The following NKPD1 variants were observed in gnomAD, a reference collection of about 807,000 sequenced individuals.
NKPD1 encodes the protein NTPase KAP family P-loop domain containing 1.
Under a neutral mutation model 42.2 loss-of-function variants are expected in NKPD1, and 37 were observed. The ratio of observed to expected loss-of-function variants is 0.88; its 90% confidence interval spans 0.67 to 1.15. NKPD1 has a LOEUF of 1.15. Among genes scored for constraint, NKPD1 ranks in the 50% most tolerant of loss-of-function variants. The pLI is 0.00. For missense variants in NKPD1, 1,113 were observed against 1,174.6 expected, an observed-to-expected ratio of 0.95 and a Z score of 0.77; for synonymous variants, 552 against 536.5, an observed-to-expected ratio of 1.03 and a Z score of -0.40.
chr19:45,154,641 G>C lies in NKPD1; in HGVS notation c.662-866C>G, dbSNP rs137929498. Among the ~76,000 whole-genome samples, 804 of 152,304 alleles carry C rather than the reference G, an allele frequency of 5.3e-3. 9 individuals carry two copies. Among genetic ancestry groups the C allele is most frequent in the African/African-American group, 0.019 (774 of 41,552 alleles). On this transcript the variant is annotated intron_variant, in intron 4 of 4. Transcript: ENST00000686631. ...GGCTATTGGGCCTGCACCAGGGCTG[G>C]GCACACGTAGGAGGAACGTCAGTCC...
rs760638462 is a variant in NKPD1, at chr19:45,152,460, G to A, written c.1977C>T (p.Leu659=). ...TCAGGCGGCACGGCCACTGGTTGGC[G>A]AGCACCACCCACGCCACCGCCTGGC... ...TPRQAVAWVV[L]ANQWPCRLSW... Residue 659 remains leucine, a synonymous_variant, in exon 5 of 5, where the codon CTC becomes CTT. Transcript: ENST00000686631. The A allele has an allele frequency of 3.2e-6, 5 of 1,555,674 alleles. No homozygotes were observed. Among genetic ancestry groups the A allele is most frequent in the Admixed American group, 1.9e-5 (1 of 53,404 alleles).
At chr19:45,160,999 C>G (rs901094622), upstream of NKPD1, among the ~76,000 whole-genome samples, 5 of 152,106 alleles carry the variant, frequency 3.3e-5, no homozygotes, top group African/African-American at 1.2e-4. Flanking sequence ...TCAGCGCAGG[C>G]CCATCCAGAT....
chr19:45,153,662 AC>A lies in NKPD1; in HGVS notation c.774del (p.Phe259SerfsTer39), dbSNP rs754188498. The A allele has an allele frequency of 6.3e-7, 1 of 1,576,636 alleles. No individual in the cohort carries two copies. The highest frequency in any genetic ancestry group is 1.3e-5 in the African/African-American group (1 of 74,394). On this transcript the variant is annotated frameshift_variant, in exon 5 of 5. Transcript: ENST00000686631. LOFTEE classifies it high-confidence loss of function. The stretch of plus-strand genomic sequence containing the variant: ...ACCTCGGTGATGATGGGCTGCAGGA[AC>A]ACCAGGTACCACAGTAGCTGCGGGA... ...WGVPQLLWYL[V>X]FLQPIITEVH...
chr19:45,161,252 G>C (rs1242979079), upstream of NKPD1, among the ~76,000 whole-genome samples: 1 of 152,194 alleles, frequency 6.6e-6, no homozygotes, highest in Non-Finnish European at 1.5e-5. Flanking sequence ...TGGGATGCCA[G>C]CTCCTCCGTG....
rs181380443 is a variant in NKPD1, at chr19:45,160,157, C to T, written c.-7G>A. The stretch of plus-strand genomic sequence containing the variant: ...CTTTGTAATGTTTGTGCATGGCAGC[C>T]GGGCAGCTGGGTGCTGGGGGCCTGC... On this transcript the variant is annotated 5_prime_UTR_variant, in exon 2 of 5. Transcript: ENST00000686631. 115 of 1,303,654 alleles carry T rather than the reference C, an allele frequency of 8.8e-5. No homozygotes were observed. The highest frequency in any genetic ancestry group is 5.6e-4 in the African/African-American group (37 of 65,938). 80.8% of individuals were successfully genotyped at this position (1,303,654 alleles called of 1,614,324 possible).
chr19:45,153,589 G>A lies in NKPD1; in HGVS notation c.848C>T (p.Ala283Val), dbSNP rs760532050. The A allele has an allele frequency of 2.6e-6, 4 of 1,567,374 alleles. No homozygotes were observed. Among genetic ancestry groups the A allele is most frequent in the Non-Finnish European group, 3.5e-6 (4 of 1,153,880 alleles). ...CTTGTCGGTGCCCGCGTACTGCCAGGCGCTAAAGCGGATGAAAAGGAACTG... is the reference window on the plus strand; with the variant it reads ...CTTGTCGGTGCCCGCGTACTGCCAGACGCTAAAGCGGATGAAAAGGAACTG... ...NVQFLFIRFS[A>V]WQYAGTDKLW... The change falls in exon 5 of 5, where the codon GCC (alanine) becomes GTC (valine). Residue 283 changes from alanine to valine, a missense_variant. Coordinates refer to ENST00000686631, the MANE Select transcript of NKPD1 (RefSeq NM_198478.4).
At chr19:45,154,274 C>T (rs748757629) in intron 4 of NKPD1, among the ~76,000 whole-genome samples, 4 of 152,182 alleles carry the variant, frequency 2.6e-5, no homozygotes, top group Non-Finnish European at 5.9e-5. Context: ...GGAAGCCCTC[C>T]CTGATCCCCA....
At chr19:45,162,035 T>C (rs1969016552), upstream of NKPD1, among the ~76,000 whole-genome samples, 3 of 152,118 alleles carry the variant, frequency 2.0e-5, no homozygotes, top group South Asian at 6.2e-4. Context: ...GGAAGGTTCC[T>C]CCCTGGCCCA....
chr19:45,151,884 C>T lies in NKPD1; in HGVS notation c.*54G>A, dbSNP rs1968783680. On this transcript the variant is annotated 3_prime_UTR_variant, in exon 5 of 5. Coordinates refer to ENST00000686631, the MANE Select transcript of NKPD1 (RefSeq NM_198478.4). ...GGCCCCAGTCCAGCCCCCTATTCTC[C>T]CATCTGGGCAGATGGAGGAACCCTT... 6.8e-7 allele frequency: 1 copy of T among 1,465,218 alleles called. No homozygotes were observed. The allele number at this position is 1,465,218 out of a possible 1,614,324, so 90.8% of individuals were successfully genotyped here.
At position 45,152,772 on chromosome 19, in the gene NKPD1, C is replaced by T. The variant is rs1382394380; in HGVS notation, c.1665G>A (p.Glu555=). Residue 555 remains glutamate, a synonymous_variant, in exon 5 of 5, where the codon GAG becomes GAA. Transcript: ENST00000686631. The part of the protein sequence containing the change: ...VQSRDDLLYR[E]MTRKPWLPGD... ...CCGGCAGCCACGGCTTGCGCGTCAT[C>T]TCGCGGTACAACAGGTCGTCGCGGC... 6.3e-7 allele frequency: 1 copy of T among 1,599,348 alleles called. No individual in the cohort carries two copies.
chr19:45,153,117 G>A lies in NKPD1; in HGVS notation c.1320C>T (p.Phe440=), dbSNP rs1872287209. The change falls in exon 5 of 5, where the codon TTC becomes TTT. Residue 440 remains phenylalanine (F), a synonymous_variant. Coordinates refer to ENST00000686631, the MANE Select transcript of NKPD1 (RefSeq NM_198478.4). ...GCTGGTAGATCTCCAGGAAGCACAGGAAGTCGGTGAGCAGCTCCACCTCCT... is the reference window on the plus strand; with the variant it reads ...GCTGGTAGATCTCCAGGAAGCACAGAAAGTCGGTGAGCAGCTCCACCTCCT... ...VKKEVELLTD[F]LCFLEIYQRR... The A allele has an allele frequency of 4.4e-6, 7 of 1,575,544 alleles. No individual in the cohort carries two copies. In the East Asian group the frequency reaches 9.5e-5, roughly 21 times the overall value.
chr19:45,153,739 T>C lies in NKPD1; in HGVS notation c.698A>G (p.Glu233Gly). Reference sequence around the variant, plus strand: ...CCGCCACTGCACGTGCTGCAGCTCCTCGCTCTCGCGCTGCGCGGCCTCCTG... The same window carrying C: ...CCGCCACTGCACGTGCTGCAGCTCCCCGCTCTCGCGCTGCGCGGCCTCCTG... ...MQQEAAQRESEELQHVQWRPR... is the reference protein window; with the variant it reads ...MQQEAAQRESGELQHVQWRPR... The change falls in exon 5 of 5, where the codon GAG becomes GGG. Residue 233 changes from glutamate (E) to glycine (G), a missense_variant. By Grantham distance (98) the Glu-to-Gly change is moderately conservative. This residue lies in a region of NKPD1 where 867 missense variants were observed against 870.1 expected (regional missense o/e 1.00). Coordinates refer to ENST00000686631, the MANE Select transcript of NKPD1 (RefSeq NM_198478.4). The C allele has an allele frequency of 1.3e-6, 2 of 1,511,622 alleles. No individual in the cohort carries two copies. Among genetic ancestry groups the C allele is most frequent in the African/African-American group, 1.4e-5 (1 of 72,086 alleles). The allele number at this position is 1,511,622 out of a possible 1,614,324, so 93.6% of individuals were successfully genotyped here. A position where few individuals can be genotyped will look rare whatever the true frequency, so the allele number is the denominator to read the frequency against.
At position 45,153,612 on chromosome 19, in the gene NKPD1, C is replaced by A. The variant is rs1307942335; in HGVS notation, c.825G>T (p.Gln275His). ...TEVHLRRRNV[Q>H]FLFIRFSAWQ... ...AGGCGCTAAAGCGGATGAAAAGGAA[C>A]TGCACGTTCCTGCGCCGCAGGTGCA... Residue 275 changes from glutamine (Q) to histidine (H), a missense_variant, in exon 5 of 5, where the codon CAG (glutamine) becomes CAT (histidine). Coordinates refer to ENST00000686631, the MANE Select transcript of NKPD1 (RefSeq NM_198478.4). 2 of 1,576,620 alleles carry A rather than the reference C, an allele frequency of 1.3e-6. No individual in the cohort carries two copies. Among genetic ancestry groups the A allele is most frequent in the Non-Finnish European group, 1.7e-6 (2 of 1,159,306 alleles).
chr19:45,152,920 C>A lies in NKPD1; in HGVS notation c.1517G>T (p.Gly506Val), dbSNP rs1407255330. Residue 506 changes from glycine (G) to valine (V), a missense_variant, in exon 5 of 5, where the codon GGC becomes GTC. Physicochemically the swap from Gly to Val is moderately radical, Grantham distance 109 (BLOSUM62 -3). Coordinates refer to ENST00000686631, the MANE Select transcript of NKPD1 (RefSeq NM_198478.4). ...GTTATCGGCCGTGCCCTTCATGTTG[C>A]CCGCGCTCTCTAGGCACGCGGCCAG... is the stretch of plus-strand genomic sequence containing the variant. Reference protein sequence around the residue: ...SILAACLESAGNMKGTADNGY... With the variant: ...SILAACLESAVNMKGTADNGY... 2 of 1,579,890 alleles carry A rather than the reference C, an allele frequency of 1.3e-6. No homozygotes were observed. Among genetic ancestry groups the A allele is most frequent in the East Asian group, 2.3e-5 (1 of 43,052 alleles).
At chr19:45,156,443 G>A (rs1354190543) in intron 3 of NKPD1, among the ~76,000 whole-genome samples, 1 of 152,192 alleles carries the variant, frequency 6.6e-6, no homozygotes, top group Non-Finnish European at 1.5e-5. Flanking sequence ...CCAGGGTTGG[G>A]AGAGAGATGA....
At chr19:45,154,130 G>A (rs543756049) in intron 4 of NKPD1, among the ~76,000 whole-genome samples, 1 of 152,350 alleles carries the variant, frequency 6.6e-6, no homozygotes, top group South Asian at 2.1e-4. Flanking sequence ...AGGGCACCGG[G>A]AAGGTTCTGA....
At position 45,153,088 on chromosome 19, in the gene NKPD1, C is replaced by T; in HGVS notation, c.1349G>A (p.Arg450His). 6.3e-7 allele frequency: 1 copy of T among 1,575,196 alleles called. No individual in the cohort carries two copies. Among genetic ancestry groups the T allele is most frequent in the Non-Finnish European group, 8.6e-7 (1 of 1,161,010 alleles). Reference protein sequence around the residue: ...FLCFLEIYQRRRLRVVLEVTG... With the variant: ...FLCFLEIYQRHRLRVVLEVTG... ...GACCTCCAGCACCACGCGCAGCCTGCGCCGCTGGTAGATCTCCAGGAAGCA... is the reference window on the plus strand; with the variant it reads ...GACCTCCAGCACCACGCGCAGCCTGTGCCGCTGGTAGATCTCCAGGAAGCA... The change falls in exon 5 of 5, where the codon CGC becomes CAC. Residue 450 changes from arginine (R) to histidine (H), a missense_variant. This residue lies in a region of NKPD1 where 867 missense variants were observed against 870.1 expected (regional missense o/e 1.00). Coordinates refer to ENST00000686631, the MANE Select transcript of NKPD1 (RefSeq NM_198478.4).
At chr19:45,153,876 G>T (rs1333470249) in intron 4 of NKPD1, 101 bp from the exon 5 acceptor site, 3 of 1,204,240 alleles carry the variant, frequency 2.5e-6, no homozygotes, top group East Asian at 6.1e-5. Flanking sequence ...GGCGAGGGGC[G>T]CCCAGCAGAG....
rs1173252625 is a variant in NKPD1, at chr19:45,152,417, G to A, written c.2020C>T (p.Leu674=). Residue 674 remains leucine, a synonymous_variant, in exon 5 of 5, where the codon CTG becomes TTG. Transcript: ENST00000686631. The part of the protein sequence containing the change: ...PCRLSWALQC[L]EDRQQTGGAP... ...CCCCCGGTCTGCTGCCGGTCCTCCAGGCACTGCAGCGCCCAGCTCAGGCGG... is the reference window on the plus strand; with the variant it reads ...CCCCCGGTCTGCTGCCGGTCCTCCAAGCACTGCAGCGCCCAGCTCAGGCGG... 3 of 1,572,424 alleles carry A rather than the reference G, an allele frequency of 1.9e-6. No homozygotes were observed. The highest frequency in any genetic ancestry group is 2.4e-5 in the East Asian group (1 of 41,900).
Sources: gnomAD v4.1 joint callset for allele counts (sites outside exome capture counted in the v4.1 genomes callset) on GRCh38, gnomAD v4.1.1 for gene constraint, gnomAD v4.1.1 regional missense constraint, MANE v1.5 for transcripts, NCBI Gene and HGNC (gene_info 2026-07-23, HGNC 2026-07-21) for gene names.